The following CCDC30 variants were observed in gnomAD, a reference collection of about 807,000 sequenced individuals.
CCDC30 encodes the protein coiled-coil domain-containing protein 30.
In CCDC30, 70 loss-of-function variants were observed where a neutral mutation model predicts 100.2. That is an observed-to-expected ratio of 0.70 (90% CI 0.58 to 0.85). CCDC30 has a LOEUF of 0.85. CCDC30 is among the 40% of genes least tolerant of loss of function. The pLI is 0.00. For synonymous variants in CCDC30, 233 were observed against 269.5 expected, an observed-to-expected ratio of 0.86 and a Z score of 1.33; for missense variants, 652 against 771.2, an observed-to-expected ratio of 0.85 and a Z score of 1.83.
At chr1:42,459,872 G>A (rs2148421869), upstream of CCDC30, 10 of 1,614,024 alleles carry the variant, frequency 6.2e-6, no homozygotes, top group Non-Finnish European at 8.5e-6. Flanking sequence ...TAGAAGAGAA[G>A]ATAGTGGATA....
intron 6 of CCDC30, among the ~76,000 whole-genome samples, chr1:42,562,235 A>G (rs1159041532): frequency 2.0e-5 from 3 of 152,214 alleles, no homozygotes; most frequent in Non-Finnish European, 4.4e-5. Context: ...CCAAAACAGC[A>G]TGGTAGTGGT....
chr1:42,559,929 A>G lies in CCDC30; in HGVS notation c.457-6367A>G, dbSNP rs546046325. ...CAGCAAATGCAGAAGGACTGAAATC[A>G]TAACAAATGGTCTCTGAGACCACAG... On this transcript the variant is annotated intron_variant, in intron 6 of 16. Coordinates refer to ENST00000668663, the Ensembl canonical transcript of CCDC30. 9.2e-5 allele frequency among the ~76,000 whole-genome samples: 14 copies of G among 152,350 alleles called. 1 individual carries two copies. The highest frequency in any genetic ancestry group is 3.4e-4 in the African/African-American group (14 of 41,578).
intron 11 of CCDC30, among the ~76,000 whole-genome samples, chr1:42,613,133 G>T (rs564689928): frequency 6.6e-6 from 1 of 152,280 alleles, no homozygotes; most frequent in South Asian, 2.1e-4. Flanking sequence ...AGGGAGTAAA[G>T]AAATAAAAGA....
chr1:42,555,489 T>C lies in CCDC30; in HGVS notation c.457-10807T>C, dbSNP rs539619376. 9.2e-5 allele frequency among the ~76,000 whole-genome samples: 14 copies of C among 152,314 alleles called. 1 individual carries two copies. Among genetic ancestry groups the C allele is most frequent in the African/African-American group, 3.4e-4 (14 of 41,586 alleles). Reference sequence around the variant, plus strand: ...TGTAAGCTCCTTGGGGCACAGATCATGTCCTGTTGAAGCCCTAGTGCCTGC... The same window carrying C: ...TGTAAGCTCCTTGGGGCACAGATCACGTCCTGTTGAAGCCCTAGTGCCTGC... On this transcript the variant is annotated intron_variant, in intron 6 of 16. Coordinates refer to ENST00000668663, the Ensembl canonical transcript of CCDC30.
chr1:42,569,285 A>G (rs544407120), intron 7 of CCDC30: 1 of 152,304 alleles, frequency 6.6e-6, no homozygotes, highest in Admixed American at 6.5e-5. Context: ...CATTTAGAAG[A>G]AAAAAACAAC....
chr1:42,590,175 C>T (rs1052776593), intron 10 of CCDC30: 5 of 152,270 alleles, frequency 3.3e-5, no homozygotes, highest in African/African-American at 1.2e-4. Flanking sequence ...TCACCTACCA[C>T]CATGATTGTT....
intron 6 of CCDC30, among the ~76,000 whole-genome samples, chr1:42,564,899 A>G (rs1464236834): frequency 6.6e-6 from 1 of 152,046 alleles, no homozygotes; most frequent in African/African-American, 2.4e-5. Flanking sequence ...TATGAGTTCA[A>G]CTTTTTCAGA....
chr1:42,522,902 G>A (rs538920865), intron 6 of CCDC30, among the ~76,000 whole-genome samples: 1 of 151,954 alleles, frequency 6.6e-6, no homozygotes, highest in African/African-American at 2.4e-5. Flanking sequence ...TTGAGATGGA[G>A]TCTCACTCTG....
At chr1:42,590,805 A>G (rs1023719829) in intron 10 of CCDC30, 1 of 152,184 alleles carries the variant, frequency 6.6e-6, no homozygotes, top group Non-Finnish European at 1.5e-5. Flanking sequence ...CAAAATACTG[A>G]TAGAAATATG....
chr1:42,577,671 C>T (rs777388756), intron 8 of CCDC30, among the ~76,000 whole-genome samples: 4 of 151,924 alleles, frequency 2.6e-5, no homozygotes, highest in East Asian at 1.9e-4. Flanking sequence ...GAGGGAGTCT[C>T]GCTCTGTCAC....
chr1:42,533,413 A>G (rs1002655695), intron 6 of CCDC30, among the ~76,000 whole-genome samples: 4 of 152,216 alleles, frequency 2.6e-5, no homozygotes, highest in Admixed American at 1.3e-4. Context: ...AAACCTTGTC[A>G]TATTTTACAC....
chr1:42,631,075 T>C (rs1365008105), intron 11 of CCDC30, among the ~76,000 whole-genome samples: 1 of 152,150 alleles, frequency 6.6e-6, no homozygotes, highest in Non-Finnish European at 1.5e-5. Flanking sequence ...CATTATAGTC[T>C]TTGCAGTCTG....
intron 11 of CCDC30, among the ~76,000 whole-genome samples, chr1:42,619,676 T>C (rs1646794161): frequency 6.6e-6 from 1 of 152,100 alleles, no homozygotes; most frequent in Admixed American, 6.6e-5. Flanking sequence ...ATAGTCAATA[T>C]CGCTTTCACA....
intron 1 of CCDC30, among the ~76,000 whole-genome samples, chr1:42,466,048 GA>G (rs1298399320): frequency 1.3e-5 from 2 of 152,130 alleles, no homozygotes; most frequent in Admixed American, 6.5e-5. Flanking sequence ...TTTTATTTGG[GA>G]ATTGAAAAAC....
upstream of CCDC30, chr1:42,460,015 GAT>G (rs1643367638): frequency 1.4e-6 from 2 of 1,471,882 alleles, no homozygotes; most frequent in Non-Finnish European, 8.9e-7. Context: ...CATATGGACA[GAT>G]AAAATGAAAG....
chr1:42,643,082 C>A (rs962746310), intron 13 of CCDC30, among the ~76,000 whole-genome samples: 2 of 152,152 alleles, frequency 1.3e-5, no homozygotes, highest in Non-Finnish European at 2.9e-5. Flanking sequence ...TCATAGGAGA[C>A]TTTCATTATA....
chr1:42,610,856 T>C (rs1321048276), intron 10 of CCDC30, 122 bp from the exon 15 acceptor site: 1 of 544,696 alleles, frequency 1.8e-6, no homozygotes, highest in African/African-American at 2.0e-5. Context: ...GAAGCTACTA[T>C]GATCTCAGAA....
chr1:42,485,001 T>C lies in CCDC30; in HGVS notation c.169+2185T>C, dbSNP rs931622583. On this transcript the variant is annotated intron_variant, in intron 3 of 16. Transcript: ENST00000668663. ...ATAAAACAATTTGAAATTTGAACACTTGCTAGACATATGAGTTAAAGAATT... is the reference window on the plus strand; with the variant it reads ...ATAAAACAATTTGAAATTTGAACACCTGCTAGACATATGAGTTAAAGAATT... Among the ~76,000 whole-genome samples, 5 of 152,288 alleles carry C rather than the reference T, an allele frequency of 3.3e-5. No homozygotes were observed. The East Asian group carries it at 9.6e-4, about 29-fold the overall frequency.
intron 14 of CCDC30, among the ~76,000 whole-genome samples, chr1:42,645,010 A>G (rs912101888): frequency 6.6e-6 from 1 of 152,100 alleles, no homozygotes; most frequent in Non-Finnish European, 1.5e-5. Flanking sequence ...TTAGTAAACT[A>G]TCTCCTCCTG....
Sources: gnomAD v4.1 joint callset for allele counts (sites outside exome capture counted in the v4.1 genomes callset) on GRCh38, gnomAD v4.1.1 for gene constraint, MANE v1.5 for transcripts, NCBI Gene and HGNC (gene_info 2026-07-23, HGNC 2026-07-21) for gene names.